Variants in RBPMS observed in about 807,000 individuals in gnomAD.
The protein encoded by RBPMS is RNA binding protein, mRNA processing factor, also known as RNA-binding protein with multiple splicing.
RBPMS carries 7 observed loss-of-function variants against 26.8 expected under a neutral mutation model. The ratio of observed to expected loss-of-function variants is 0.26; its 90% CI spans 0.15 to 0.49. The LOEUF is 0.49. Among genes scored for constraint, RBPMS ranks in the 20% least tolerant of loss-of-function variants. RBPMS has a pLI of 0.98. For synonymous variants in RBPMS, 96 were observed against 93.3 expected (o/e 1.03, Z -0.17); for missense variants, 186 against 250.0 (o/e 0.74, Z 1.73).
At chr8:30,486,583 C>T (rs1013101776) in intron 4 of RBPMS, among the ~76,000 whole-genome samples, 3 of 151,540 alleles carry the variant, frequency 2.0e-5, no homozygotes, top group South Asian at 2.1e-4. Flanking sequence ...CAGTGAGCTG[C>T]GATCACGCCA....
At chr8:30,483,290 T>C (rs1471042127) in intron 4 of RBPMS, among the ~76,000 whole-genome samples, 1 of 152,208 alleles carries the variant, frequency 6.6e-6, no homozygotes, top group Non-Finnish European at 1.5e-5. Context: ...CTATCCTTCC[T>C]TCCCTGATTT....
chr8:30,495,479 C>T (rs1819853192), intron 4 of RBPMS, among the ~76,000 whole-genome samples: 1 of 151,980 alleles, frequency 6.6e-6, no homozygotes, highest in Non-Finnish European at 1.5e-5. Context: ...GTCTCTTTCT[C>T]CAAGTGCAGT....
chr8:30,526,919 T>G (rs4733498), intron 5 of RBPMS, among the ~76,000 whole-genome samples: 32,911 of 152,140 alleles, frequency 0.22, 4,390 homozygotes, highest in East Asian at 0.4. Flanking sequence ...TCTTAGGTAT[T>G]TTCTCATCTA....
chr8:30,566,665 CCTAGGGAAATG>C (rs1827909039), intron 8 of RBPMS, among the ~76,000 whole-genome samples: 1 of 152,228 alleles, frequency 6.6e-6, no homozygotes, highest in Non-Finnish European at 1.5e-5. Context: ...AGGGATTCCA[CCTAGGGAAATG>C]TTACTGAAAC....
intron 7 of RBPMS, chr8:30,564,216 T>C (rs1279990319): frequency 6.6e-6 from 1 of 152,202 alleles, no homozygotes; most frequent in Non-Finnish European, 1.5e-5. Context: ...GGTTTCTTTT[T>C]CAGAACACAT....
At chr8:30,514,703 T>TTTGA (rs58473169) in intron 5 of RBPMS, among the ~76,000 whole-genome samples, 1 of 135,256 alleles carries the variant, frequency 7.4e-6, no homozygotes, top group South Asian at 2.4e-4. Context: ...TTTTTTTTTT[T>TTTGA]AATGTAGAGG....
At chr8:30,445,304 A>G (rs972831109) in intron 1 of RBPMS, 15 of 152,196 alleles carry the variant, frequency 9.9e-5, no homozygotes, top group Non-Finnish European at 1.9e-4. Flanking sequence ...AAGATAAGCC[A>G]GATACTGGAA....
intron 5 of RBPMS, among the ~76,000 whole-genome samples, chr8:30,541,858 G>A (rs971268292): frequency 6.6e-6 from 1 of 152,184 alleles, no homozygotes; most frequent in Non-Finnish European, 1.5e-5. Flanking sequence ...CTCAAGCAAC[G>A]AAAAAGCAAA....
chr8:30,428,916 C>T (rs1237650540), intron 1 of RBPMS, among the ~76,000 whole-genome samples: 1 of 152,010 alleles, frequency 6.6e-6, no homozygotes, highest in East Asian at 1.9e-4. Context: ...GTAGTGGCGT[C>T]GCCATTTGTA....
intron 5 of RBPMS, among the ~76,000 whole-genome samples, chr8:30,534,446 T>G (rs1475630160): frequency 6.6e-6 from 1 of 152,220 alleles, no homozygotes; most frequent in Non-Finnish European, 1.5e-5. Context: ...ATTAACATAA[T>G]TTTAAAATAG....
chr8:30,445,098 C>T (rs992485372), intron 1 of RBPMS: 3 of 152,004 alleles, frequency 2.0e-5, no homozygotes, highest in Admixed American at 2.0e-4. Flanking sequence ...TACATTTGGC[C>T]TGAAAGTCTA....
chr8:30,460,829 G>C (rs111252966), intron 1 of RBPMS, among the ~76,000 whole-genome samples: 37,532 of 152,078 alleles, frequency 0.25, 4,971 homozygotes, highest in East Asian at 0.41. Flanking sequence ...GGCTGAGGTG[G>C]GTGGATCACT....
chr8:30,488,450 T>C (rs1200820000), intron 4 of RBPMS, among the ~76,000 whole-genome samples: 2 of 152,164 alleles, frequency 1.3e-5, no homozygotes. Context: ...TTATTTAAGA[T>C]TACAGGTGAT....
At chr8:30,534,567 T>C (rs1824606316) in intron 5 of RBPMS, among the ~76,000 whole-genome samples, 1 of 152,232 alleles carries the variant, frequency 6.6e-6, no homozygotes, top group Non-Finnish European at 1.5e-5. Flanking sequence ...GTGGAGTTGC[T>C]GAGTTCCTAG....
At chr8:30,534,434 A>G (rs1046583714) in intron 5 of RBPMS, among the ~76,000 whole-genome samples, 1 of 152,272 alleles carries the variant, frequency 6.6e-6, no homozygotes, top group African/African-American at 2.4e-5. Context: ...TTCTAGGGAT[A>G]CATTAACATA....
At chr8:30,423,473 C>A (rs1585411844) in intron 1 of RBPMS, among the ~76,000 whole-genome samples, 1 of 152,144 alleles carries the variant, frequency 6.6e-6, no homozygotes, top group East Asian at 1.9e-4. Context: ...CTGAGTTAGG[C>A]CTGTGCTTGT....
intron 4 of RBPMS, among the ~76,000 whole-genome samples, chr8:30,488,968 C>G (rs1819086109): frequency 6.6e-6 from 1 of 152,174 alleles, no homozygotes; most frequent in Non-Finnish European, 1.5e-5. Flanking sequence ...CCTTGATTTT[C>G]CTTCCTATGC....
intron 5 of RBPMS, among the ~76,000 whole-genome samples, chr8:30,511,518 T>C (rs1234497901): frequency 7.3e-5 from 1 of 13,762 alleles, no homozygotes; most frequent in African/African-American, 1.2e-4. Context: ...TATATATATA[T>C]ATATATATTT....
intron 1 of RBPMS, among the ~76,000 whole-genome samples, chr8:30,408,055 C>T (rs1808853999): frequency 6.6e-6 from 1 of 152,136 alleles, no homozygotes; most frequent in African/African-American, 2.4e-5. Flanking sequence ...AAGGAGATGA[C>T]CAGTTACAGG....
Sources: gnomAD v4.1 joint callset for allele counts (sites outside exome capture counted in the v4.1 genomes callset) on GRCh38, gnomAD v4.1.1 for gene constraint, MANE v1.5 for transcripts, NCBI Gene and HGNC (gene_info 2026-07-23, HGNC 2026-07-21) for gene names.